The following WDR20 variants were observed in gnomAD, a reference collection of about 807,000 sequenced individuals.
The protein encoded by WDR20 is WD repeat-containing protein 20.
Under a neutral mutation model 38.7 loss-of-function variants are expected in WDR20, and 3 were observed. That is an observed-to-expected ratio of 0.08 (90% CI 0.04 to 0.20). The LOEUF is 0.20. WDR20 is among the 10% of genes least tolerant of loss of function. The pLI is 1.00. For synonymous variants in WDR20, 298 were observed against 285.6 expected (o/e 1.04, Z -0.44); for missense variants, 559 against 727.7 (o/e 0.77, Z 2.67).
chr14:102,172,797 G>T (rs1207834278), intron 1 of WDR20, among the ~76,000 whole-genome samples: 2 of 149,276 alleles, frequency 1.3e-5, no homozygotes, highest in Non-Finnish European at 1.5e-5. Context: ...GGGCGGAGGG[G>T]CTCCTCACTT....
At chr14:102,218,939 C>T (rs975766681), downstream of WDR20, among the ~76,000 whole-genome samples, 69 of 152,210 alleles carry the variant, frequency 4.5e-4, no homozygotes, top group Admixed American at 2.6e-4. Flanking sequence ...CTCCGTCGGC[C>T]GGGCCGGGCC....
downstream of WDR20, among the ~76,000 whole-genome samples, chr14:102,224,073 C>A (rs555820442): frequency 2.1e-5 from 3 of 145,390 alleles, no homozygotes; most frequent in East Asian, 2.0e-4. Context: ...ATGGAGTCTC[C>A]CTCTGTTGTC....
At chr14:102,198,341 C>T in intron 2 of WDR20, 1 of 294,190 alleles carries the variant, frequency 3.4e-6, no homozygotes, top group Non-Finnish European at 6.9e-6. Context: ...TAGTCTGGAA[C>T]TCCTGGCTTC....
intron 1 of WDR20, among the ~76,000 whole-genome samples, chr14:102,147,723 TTA>T (rs1205716060): frequency 6.6e-6 from 1 of 152,112 alleles, no homozygotes; most frequent in African/African-American, 2.4e-5. Context: ...TTGTTTTATT[TTA>T]TTTTAGTTTT....
At chr14:102,194,058 C>T (rs937178591) in intron 1 of WDR20, among the ~76,000 whole-genome samples, 1 of 152,204 alleles carries the variant, frequency 6.6e-6, no homozygotes, top group Non-Finnish European at 1.5e-5. Context: ...CTCCCCATCC[C>T]CTTAATGGTC....
chr14:102,155,785 CT>C (rs1175213294), intron 1 of WDR20, among the ~76,000 whole-genome samples: 1,708 of 144,122 alleles, frequency 0.012, 29 homozygotes, highest in African/African-American at 0.037. Context: ...ACATTTTTTC[CT>C]TTTTTTTTTT....
intron 2 of WDR20, among the ~76,000 whole-genome samples, chr14:102,203,297 G>A (rs901204916): frequency 1.3e-5 from 2 of 152,162 alleles, no homozygotes; most frequent in Non-Finnish European, 2.9e-5. Context: ...AGAAAATACT[G>A]TATTTTATAT....
rs1361679189 is a variant in WDR20 at position 102,210,201 on chromosome 14, C to CT, written c.*324dup. 9.5e-7 allele frequency: 1 copy of CT among 1,048,624 alleles called. No homozygotes were observed. The highest frequency in any genetic ancestry group is 1.1e-6 in the Non-Finnish European group (1 of 870,616). 65.0% of individuals were successfully genotyped at this position (1,048,624 alleles called of 1,614,324 possible). A position where few individuals can be genotyped will look rare whatever the true frequency, so the allele number is the denominator to read the frequency against. Reference sequence around the variant, plus strand: ...TCATGACCATGTGGGGAAACAATGACTTTAAAATGCTGAAATTAAAATTTA... The same window carrying CT: ...TCATGACCATGTGGGGAAACAATGACTTTTAAAATGCTGAAATTAAAATTTA... On this transcript the variant is annotated 3_prime_UTR_variant, in exon 3 of 3. Transcript: ENST00000342702.
chr14:102,212,506 CCTTT>C (rs1379511856), downstream of WDR20: 4 of 1,535,886 alleles, frequency 2.6e-6, no homozygotes, highest in Non-Finnish European at 3.5e-6. Flanking sequence ...GACTGCTGCC[CCTTT>C]CTTTGACAGC....
chr14:102,215,869 C>G (rs1255506643), downstream of WDR20, among the ~76,000 whole-genome samples: 6 of 152,316 alleles, frequency 3.9e-5, no homozygotes, highest in Non-Finnish European at 7.4e-5. Flanking sequence ...TCACTCTTGA[C>G]AGACGACGTA....
chr14:102,146,592 G>A (rs1345218107), intron 1 of WDR20, among the ~76,000 whole-genome samples: 2 of 152,110 alleles, frequency 1.3e-5, no homozygotes, highest in East Asian at 1.9e-4. Context: ...GAGAATGAGC[G>A]TTCTGTTATG....
At chr14:102,204,452 G>C (rs2152992772) in intron 2 of WDR20, among the ~76,000 whole-genome samples, 1 of 152,260 alleles carries the variant, frequency 6.6e-6, no homozygotes, top group South Asian at 2.1e-4. Context: ...ATCATCATCA[G>C]ATCACATAAA....
chr14:102,213,774 G>T (rs1445744250), downstream of WDR20: 2 of 985,282 alleles, frequency 2.0e-6, no homozygotes, highest in Non-Finnish European at 1.2e-6. Flanking sequence ...ATCACCTCTC[G>T]CCTGGGAGGG....
In WDR20 at chr14:102,195,132, C is replaced by A; in HGVS notation, c.432+12C>A. ...TTTTTAATGAGGAAGTAAGTAGCAC[C>A]CTGTCTTAGCTGTTAAGAATCCCTT... On this transcript the variant is annotated intron_variant, in intron 2 of 2. Coordinates refer to ENST00000342702, the MANE Select transcript of WDR20 (RefSeq NM_144574.4). 6.2e-7 allele frequency: 1 copy of A among 1,612,928 alleles called. No individual in the cohort carries two copies.
intron 1 of WDR20, among the ~76,000 whole-genome samples, chr14:102,146,315 C>T (rs541796657): frequency 6.6e-6 from 1 of 152,128 alleles, no homozygotes; most frequent in African/African-American, 2.4e-5. Context: ...CAGGCACTTG[C>T]CACCATGCCC....
chr14:102,222,765 G>A lies in WDR20; in HGVS notation c.1693-65G>A. 6.3e-7 allele frequency: 1 copy of A among 1,584,762 alleles called. No individual in the cohort carries two copies. Among genetic ancestry groups the A allele is most frequent in the Non-Finnish European group, 8.7e-7 (1 of 1,154,228 alleles). On this transcript the variant is annotated intron_variant, in intron 3 of 3. Coordinates refer to the WDR20 transcript ENST00000335263. This position sits in a 1 kb window ranked among gnomAD's most constrained non-coding sequence, Gnocchi z 4.4. ...GACCACGTGGAGCTGCTGGCGGAGG[G>A]CGCGCATGGTGGCTGTTGCCCGTCC...
chr14:102,161,925 C>G (rs1230783292), intron 1 of WDR20, among the ~76,000 whole-genome samples: 1 of 152,162 alleles, frequency 6.6e-6, no homozygotes, highest in Non-Finnish European at 1.5e-5. Flanking sequence ...ACTTGTTGTT[C>G]CAAATTGGAT....
At chr14:102,172,731 G>T (rs1205358610) in intron 1 of WDR20, among the ~76,000 whole-genome samples, 25 of 149,948 alleles carry the variant, frequency 1.7e-4, no homozygotes, top group African/African-American at 4.9e-4. Context: ...CCTCCCTCCC[G>T]GACGGGGCGG....
At position 102,223,066 on chromosome 14, in the gene WDR20, A is replaced by G. The variant is rs190431136; in HGVS notation, c.*183A>G. 3.4e-3 allele frequency: 1,977 copies of G among 587,622 alleles called. 6 individuals are homozygous for G. The highest frequency in any genetic ancestry group is 4.8e-3 in the Non-Finnish European group (1,663 of 344,588). The allele number at this position is 587,622 out of a possible 1,614,324, so 36.4% of individuals were successfully genotyped here. ...CGTGCTCCCGCTGCTCACCCAAAGA[A>G]GTTGTTTCCATTTTAAACCGGTCTT... On this transcript the variant is annotated 3_prime_UTR_variant, in exon 4 of 4. Transcript: ENST00000335263.
Sources: gnomAD v4.1 joint callset for allele counts (sites outside exome capture counted in the v4.1 genomes callset) on GRCh38, gnomAD v4.1.1 for gene constraint, Gnocchi (gnomAD v3.1) non-coding constraint, MANE v1.5 for transcripts, NCBI Gene and HGNC (gene_info 2026-07-23, HGNC 2026-07-21) for gene names.